KIAA0930: variants seen among roughly 807,000 people sequenced by gnomAD.
KIAA0930 encodes the protein uncharacterized protein KIAA0930.
KIAA0930 carries 24 observed loss-of-function variants against 43.9 expected under a neutral mutation model. That is an observed-to-expected ratio of 0.55 (90% CI 0.40 to 0.77). The LOEUF is 0.77. Ranked by LOEUF, KIAA0930 falls within the 30% of genes least tolerant of loss-of-function variation. The pLI is 0.00. For synonymous variants in KIAA0930, 259 were observed against 216.4 expected, an observed-to-expected ratio of 1.20 and a Z score of -1.73; for missense variants, 461 against 574.2, an observed-to-expected ratio of 0.80 and a Z score of 2.02.
chr22:45,211,538 G>GA, intron 2 of KIAA0930: 1 of 446,918 alleles, frequency 2.2e-6, no homozygotes. Context: ...CGAGGGCTCA[G>GA]TAAGTGGAAG....
At chr22:45,210,864 C>G (rs906277076) in intron 2 of KIAA0930, among the ~76,000 whole-genome samples, 7 of 151,650 alleles carry the variant, frequency 4.6e-5, no homozygotes, top group African/African-American at 1.7e-4. Flanking sequence ...CCACCCCTCC[C>G]TGGTACCGAA....
At chr22:45,206,999 T>C (rs1337296859) in intron 2 of KIAA0930, among the ~76,000 whole-genome samples, 1 of 151,728 alleles carries the variant, frequency 6.6e-6, no homozygotes, top group East Asian at 1.9e-4. Flanking sequence ...GTGCCCGGCC[T>C]CAATTTATTT....
Position 45,220,808 on chromosome 22 carries a change from T to C in KIAA0930, c.65-8701A>G, listed in dbSNP as rs573303291. Among the ~76,000 whole-genome samples the C allele has an allele frequency of 9.2e-5, 14 of 152,128 alleles. 1 individual carries two copies. The South Asian group carries it at 2.7e-3, about 29-fold the overall frequency. On this transcript the variant is annotated intron_variant, in intron 1 of 9. Transcript: ENST00000336156. ...GTTGCCCAGGCTGGTCTTGAACTCC[T>C]GGGCTCAAGCGATCCTCCCACCTAG...
Position 45,196,865 on chromosome 22 carries a change from C to T in KIAA0930, c.*311G>A. ...GCCCCGCTCTGGGCATCAGCTGCTC[C>T]TTCCGCTCTCTCTCATGGCCGCTCG... On this transcript the variant is annotated 3_prime_UTR_variant, in exon 10 of 10. Transcript: ENST00000336156. This position sits in a 1 kb window ranked among gnomAD's most constrained non-coding sequence, Gnocchi z 4.1. 1 of 373,866 alleles carries T rather than the reference C, an allele frequency of 2.7e-6. No individual in the cohort carries two copies. The highest frequency in any genetic ancestry group is 5.6e-5 in the South Asian group (1 of 18,004). 23.2% of individuals were successfully genotyped at this position (373,866 alleles called of 1,614,324 possible).
chr22:45,215,395 A>G (rs970707399), intron 1 of KIAA0930, among the ~76,000 whole-genome samples: 2 of 152,206 alleles, frequency 1.3e-5, no homozygotes, highest in Non-Finnish European at 2.9e-5. Context: ...GTGAGAAGCT[A>G]AAGAGCATTT....
In KIAA0930 at chr22:45,193,867, C is replaced by A. The variant is rs1267589221; in HGVS notation, c.*3309G>T. 4 of 152,044 alleles carry A rather than the reference C, an allele frequency of 2.6e-5. No individual in the cohort carries two copies. Among genetic ancestry groups the A allele is most frequent in the South Asian group, 2.1e-4 (1 of 4,818 alleles). The allele number at this position is 152,044 out of a possible 1,614,324, so 9.4% of individuals were successfully genotyped here. On this transcript the variant is annotated 3_prime_UTR_variant, in exon 10 of 10. Transcript: ENST00000336156. ...GAAGAAAGGGTATAAACGGAGACCA[C>A]CTATCACTCATCAGAACCTAGGATC...
At chr22:45,237,482 T>C (rs1399604090) in intron 1 of KIAA0930, among the ~76,000 whole-genome samples, 3 of 152,204 alleles carry the variant, frequency 2.0e-5, no homozygotes, top group Non-Finnish European at 4.4e-5. Flanking sequence ...AGCTGAGCGA[T>C]GACCCCTGAG....
chr22:45,230,580 C>CTTTTTT (rs796595254), intron 1 of KIAA0930, among the ~76,000 whole-genome samples: 1 of 128,670 alleles, frequency 7.8e-6, no homozygotes, highest in Non-Finnish European at 1.6e-5. Flanking sequence ...AGATCACATT[C>CTTTTTT]TTTTTTTTTT....
chr22:45,217,353 C>G (rs1332838027), intron 1 of KIAA0930, among the ~76,000 whole-genome samples: 1 of 106,600 alleles, frequency 9.4e-6, no homozygotes, highest in African/African-American at 3.9e-5. Flanking sequence ...AGAGCAAGAC[C>G]CCGTCTCAAA....
intron 1 of KIAA0930, among the ~76,000 whole-genome samples, chr22:45,236,702 C>G (rs1438504538): frequency 6.6e-6 from 1 of 152,194 alleles, no homozygotes; most frequent in African/African-American, 2.4e-5. Flanking sequence ...ACTTCCTAGC[C>G]TTGCAGCTGG....
chr22:45,233,613 C>G (rs1036856071), intron 1 of KIAA0930, among the ~76,000 whole-genome samples: 2 of 152,084 alleles, frequency 1.3e-5, no homozygotes, highest in East Asian at 1.9e-4. Flanking sequence ...AGGACCTTCA[C>G]TAGGCTGACT....
At chr22:45,240,215 C>G (rs1025306144) in intron 1 of KIAA0930, among the ~76,000 whole-genome samples, 6 of 152,252 alleles carry the variant, frequency 3.9e-5, no homozygotes, top group African/African-American at 1.4e-4. Flanking sequence ...CCACCCAGAG[C>G]CCAACGAGGG....
intron 5 of KIAA0930, among the ~76,000 whole-genome samples, chr22:45,204,321 A>G (rs2147739965): frequency 6.6e-6 from 1 of 152,242 alleles, no homozygotes; most frequent in East Asian, 1.9e-4. Flanking sequence ...TGCCTGCCAC[A>G]TCTTTGAGGC....
rs867073979 is a variant in KIAA0930 at position 45,197,939 on chromosome 22, T to C, written c.1025A>G (p.His342Arg). 1 of 1,613,850 alleles carries C rather than the reference T, an allele frequency of 6.2e-7. No homozygotes were observed. The highest frequency in any genetic ancestry group is 8.5e-7 in the Non-Finnish European group (1 of 1,179,966). The stretch of plus-strand genomic sequence containing the variant: ...CCGAGACCGCAGGTTGGTTGCATTG[T>C]GCAGATCGGCTGGAGGAAAGAAGGC... ...FREDDGGADL[H>R]NATNLRSRSL... Residue 342 changes from histidine to arginine, a missense_variant, in exon 9 of 10, where the codon CAC becomes CGC. Transcript: ENST00000336156.
intron 6 of KIAA0930, among the ~76,000 whole-genome samples, chr22:45,203,500 C>T (rs938363097): frequency 3.9e-5 from 6 of 152,146 alleles, no homozygotes; most frequent in East Asian, 3.9e-4. Flanking sequence ...TAGTTGGGGG[C>T]GACTCGGAGC....
At chr22:45,222,260 AAGG>A (rs1344111356) in intron 1 of KIAA0930, among the ~76,000 whole-genome samples, 8 of 152,224 alleles carry the variant, frequency 5.3e-5, no homozygotes, top group African/African-American at 1.9e-4. Context: ...AAGCCTTTCT[AAGG>A]AGAACATAAA....
Position 45,194,377 on chromosome 22 carries a change from AAT to A in KIAA0930, c.*2797_*2798del, listed in dbSNP as rs2083517872. On this transcript the variant is annotated 3_prime_UTR_variant, in exon 10 of 10. Transcript: ENST00000336156. ...GGCGTGAGCCACTGCGCCCAGCCCC[AAT>A]ATGTCTTAAAGGGGGTTTGGGATTA... 6.6e-6 allele frequency: 1 copy of A among 152,010 alleles called. No individual in the cohort carries two copies. The highest frequency in any genetic ancestry group is 2.1e-4 in the South Asian group (1 of 4,818). 9.4% of individuals were successfully genotyped at this position (152,010 alleles called of 1,614,324 possible).
intron 1 of KIAA0930, among the ~76,000 whole-genome samples, chr22:45,232,610 C>T (rs1478743048): frequency 6.6e-6 from 1 of 152,202 alleles, no homozygotes; most frequent in Non-Finnish European, 1.5e-5. Context: ...CCCAGCTCCC[C>T]CAGGACGGGC....
At chr22:45,221,215 AT>A (rs2083765703) in intron 1 of KIAA0930, among the ~76,000 whole-genome samples, 1 of 152,116 alleles carries the variant, frequency 6.6e-6, no homozygotes, top group East Asian at 1.9e-4. Flanking sequence ...TCGAATATAT[AT>A]TTTGCCTATT....
Sources: gnomAD v4.1 joint callset for allele counts (sites outside exome capture counted in the v4.1 genomes callset) on GRCh38, gnomAD v4.1.1 for gene constraint, Gnocchi (gnomAD v3.1) non-coding constraint, MANE v1.5 for transcripts, NCBI Gene and HGNC (gene_info 2026-07-23, HGNC 2026-07-21) for gene names.